The following KIF4B variants were observed in gnomAD, a reference collection of about 807,000 sequenced individuals.
KIF4B encodes kinesin family member 4B.
KIF4B carries 60 observed loss-of-function variants against 69.0 expected under a neutral mutation model. The ratio of observed to expected loss-of-function variants is 0.87; its 90% CI spans 0.71 to 1.08. The LOEUF (loss-of-function observed/expected upper bound fraction) is 1.08, where lower values mean the gene tolerates loss of function less well. Ranked by LOEUF, KIF4B falls within the 50% of genes least tolerant of loss-of-function variation. The pLI, the probability that KIF4B is intolerant of heterozygous loss-of-function variation, is 0.00. For missense variants in KIF4B, 1,357 were observed against 1,451.9 expected (o/e 0.93, Z 1.06); for synonymous variants, 489 against 533.0 (o/e 0.92, Z 1.14).
Position 155,016,185 on chromosome 5 carries a change from C to A in KIF4B, c.2326C>A (p.Gln776Lys), listed in dbSNP as rs762006437. The A allele has an allele frequency of 1.2e-5, 20 of 1,614,184 alleles. No homozygotes were observed. Among genetic ancestry groups the A allele is most frequent in the Non-Finnish European group, 1.6e-5 (19 of 1,180,026 alleles). ...CCTTGAAGACAGAAAGATCCTGGCT[C>A]AGGATGTGGTTCAACTCAAAGAAAA... ...DLLEDRKILA[Q>K]DVVQLKEKKE... is the part of the protein sequence containing the mutation. Residue 776 changes from glutamine to lysine, a missense_variant, in exon 1 of 1, where the codon CAG becomes AAG. Gln to Lys is a moderately conservative substitution (Grantham distance 53). Transcript: ENST00000435029.
Position 155,016,966 on chromosome 5 carries a change from A to C in KIF4B, c.3107A>C (p.Glu1036Ala). Residue 1036 changes from glutamate (E) to alanine (A), a missense_variant, in exon 1 of 1, where the codon GAG (glutamate) becomes GCG (alanine). Transcript: ENST00000435029. ...TCTCGTGTTAAAGAAAAGTTTCTGG[A>C]GCAAAGCATGGACATCGAGGATCTA... ...KPSRVKEKFL[E>A]QSMDIEDLKY... 1 of 1,614,230 alleles carries C rather than the reference A, an allele frequency of 6.2e-7. No homozygotes were observed. The highest frequency in any genetic ancestry group is 8.5e-7 in the Non-Finnish European group (1 of 1,180,046).
In KIF4B at chr5:155,014,096, A is replaced by T. The variant is rs747584092; in HGVS notation, c.237A>T (p.Gly79=). 1 of 1,614,106 alleles carries T rather than the reference A, an allele frequency of 6.2e-7. No individual in the cohort carries two copies. Among genetic ancestry groups the T allele is most frequent in the African/African-American group, 1.3e-5 (1 of 74,926 alleles). ...CGCTCATAAAAGGCATATTTAAAGG[A>T]TATAATGCAACGGTCCTGGCCTATG... ...VAPLIKGIFK[G]YNATVLAYGQ... Residue 79 remains glycine (G), a synonymous_variant, in exon 1 of 1, where the codon GGA becomes GGT. Coordinates refer to ENST00000435029, the MANE Select transcript of KIF4B (RefSeq NM_001099293.3).
Position 155,017,542 on chromosome 5 carries a change from C to T in KIF4B, c.3683C>T (p.Pro1228Leu), listed in dbSNP as rs1561757797. Residue 1228 changes from proline (P) to leucine (L), a missense_variant, in exon 1 of 1, where the codon CCT (proline) becomes CTT (leucine). Physicochemically the swap from Pro to Leu is moderately conservative, Grantham distance 98. Transcript: ENST00000435029. ...ACCAGCTTCTTCTCTGGCTGCTCCC[C>T]TATCGAAGAAGAGGCCCACTGAAGT... ...SNTSFFSGCS[P>L]IEEEAH 2 of 1,613,100 alleles carry T rather than the reference C, an allele frequency of 1.2e-6. No individual in the cohort carries two copies. Among genetic ancestry groups the T allele is most frequent in the South Asian group, 2.2e-5 (2 of 90,986 alleles).
rs1765329102 is a variant in KIF4B at position 155,016,189 on chromosome 5, A to G, written c.2330A>G (p.Asp777Gly). Residue 777 changes from aspartate (D) to glycine (G), a missense_variant, in exon 1 of 1, where the codon GAT (aspartate) becomes GGT (glycine). Physicochemically the swap from Asp to Gly is moderately conservative, Grantham distance 94. Coordinates refer to ENST00000435029, the MANE Select transcript of KIF4B (RefSeq NM_001099293.3). Reference protein sequence around the residue: ...LLEDRKILAQDVVQLKEKKES... With the variant: ...LLEDRKILAQGVVQLKEKKES... ...GAAGACAGAAAGATCCTGGCTCAGGATGTGGTTCAACTCAAAGAAAAAAAG... is the reference window on the plus strand; with the variant it reads ...GAAGACAGAAAGATCCTGGCTCAGGGTGTGGTTCAACTCAAAGAAAAAAAG... The G allele has an allele frequency of 1.2e-6, 2 of 1,614,064 alleles. No individual in the cohort carries two copies. Among genetic ancestry groups the G allele is most frequent in the African/African-American group, 1.3e-5 (1 of 74,920 alleles).
Position 155,014,750 on chromosome 5 carries a change from G to T in KIF4B, c.891G>T (p.Leu297=), listed in dbSNP as rs1765294030. 1.2e-6 allele frequency: 2 copies of T among 1,613,982 alleles called. No homozygotes were observed. Among genetic ancestry groups the T allele is most frequent in the South Asian group, 2.2e-5 (2 of 91,082 alleles). ...PYRDSKLTRL[L]QDSLGGNSHT... ...GAGATTCCAAGTTAACTCGACTGCT[G>T]CAAGATTCTCTAGGAGGTAACAGCC... Residue 297 remains leucine (L), a synonymous_variant, in exon 1 of 1, where the codon CTG becomes CTT. Coordinates refer to ENST00000435029, the MANE Select transcript of KIF4B (RefSeq NM_001099293.3).
At position 155,014,100 on chromosome 5, in the gene KIF4B, A is replaced by G. The variant is rs56366205; in HGVS notation, c.241A>G (p.Asn81Asp). 4 of 1,614,260 alleles carry G rather than the reference A, an allele frequency of 2.5e-6. No homozygotes were observed. The highest frequency in any genetic ancestry group is 3.4e-6 in the Non-Finnish European group (4 of 1,180,048). Residue 81 changes from asparagine to aspartate, a missense_variant, in exon 1 of 1, where the codon AAT becomes GAT. Asn to Asp is a conservative substitution (Grantham distance 23). Transcript: ENST00000435029. ...PLIKGIFKGYNATVLAYGQTG... is the reference protein window; with the variant it reads ...PLIKGIFKGYDATVLAYGQTG... ...CATAAAAGGCATATTTAAAGGATAT[A>G]ATGCAACGGTCCTGGCCTATGGGCA...
In KIF4B at chr5:155,017,710, C is replaced by T; in HGVS notation, c.*146C>T. The T allele has an allele frequency of 1.4e-6, 2 of 1,392,014 alleles. No individual in the cohort carries two copies. Among genetic ancestry groups the T allele is most frequent in the East Asian group, 2.5e-5 (1 of 39,900 alleles). The allele number at this position is 1,392,014 out of a possible 1,614,324, so 86.2% of individuals were successfully genotyped here. On this transcript the variant is annotated 3_prime_UTR_variant, in exon 1 of 1. Coordinates refer to ENST00000435029, the MANE Select transcript of KIF4B (RefSeq NM_001099293.3). ...CAAAGCATTACTAAAAAGAAGGTAACCTTTGTTGGATGTTGTCCCTCAGTC... is the reference window on the plus strand; with the variant it reads ...CAAAGCATTACTAAAAAGAAGGTAATCTTTGTTGGATGTTGTCCCTCAGTC...
chr5:155,014,754 G>A lies in KIF4B; in HGVS notation c.895G>A (p.Asp299Asn), dbSNP rs1443675806. 1 of 1,614,130 alleles carries A rather than the reference G, an allele frequency of 6.2e-7. No individual in the cohort carries two copies. Among genetic ancestry groups the A allele is most frequent in the African/African-American group, 1.3e-5 (1 of 75,022 alleles). Residue 299 changes from aspartate to asparagine, a missense_variant, in exon 1 of 1, where the codon GAT becomes AAT. Transcript: ENST00000435029. ...RDSKLTRLLQDSLGGNSHTLM... is the reference protein window; with the variant it reads ...RDSKLTRLLQNSLGGNSHTLM... ...TTCCAAGTTAACTCGACTGCTGCAA[G>A]ATTCTCTAGGAGGTAACAGCCACAC...
Position 155,017,474 on chromosome 5 carries a change from T to C in KIF4B, c.3615T>C (p.Asn1205=). ...ATGGAGCAACAGAATACCAACAAAATAAGCCTCCAGGGAAGAAAAAGAAAC... is the reference window on the plus strand; with the variant it reads ...ATGGAGCAACAGAATACCAACAAAACAAGCCTCCAGGGAAGAAAAAGAAAC... The part of the protein sequence containing the change: ...SKHGATEYQQ[N]KPPGKKKKRA... The change falls in exon 1 of 1, where the codon AAT becomes AAC. Residue 1205 remains asparagine, a synonymous_variant. Coordinates refer to ENST00000435029, the MANE Select transcript of KIF4B (RefSeq NM_001099293.3). 1.2e-6 allele frequency: 2 copies of C among 1,613,940 alleles called. No individual in the cohort carries two copies. The highest frequency in any genetic ancestry group is 1.7e-6 in the Non-Finnish European group (2 of 1,179,988).
At position 155,016,768 on chromosome 5, in the gene KIF4B, T is replaced by C. The variant is rs774110771; in HGVS notation, c.2909T>C (p.Leu970Pro). ...VSTLQCQDEE[L>P]EKMREVCEQN... ...ACACTGCAGTGTCAGGATGAAGAAC[T>C]TGAGAAGATGCGAGAAGTGTGTGAG... The change falls in exon 1 of 1, where the codon CTT becomes CCT. Residue 970 changes from leucine (L) to proline (P), a missense_variant. Physicochemically the swap from Leu to Pro is moderately conservative, Grantham distance 98 (BLOSUM62 -3). Transcript: ENST00000435029. 6 of 1,614,110 alleles carry C rather than the reference T, an allele frequency of 3.7e-6. No homozygotes were observed. The highest frequency in any genetic ancestry group is 4.2e-6 in the Non-Finnish European group (5 of 1,180,022).
chr5:155,016,748 G>C lies in KIF4B; in HGVS notation c.2889G>C (p.Leu963=). The C allele has an allele frequency of 6.2e-7, 1 of 1,614,166 alleles. No individual in the cohort carries two copies. The highest frequency in any genetic ancestry group is 8.5e-7 in the Non-Finnish European group (1 of 1,180,042). The change falls in exon 1 of 1, where the codon CTG becomes CTC. Residue 963 remains leucine (L), a synonymous_variant. Transcript: ENST00000435029. ...SEKEQQLVST[L]QCQDEELEKM... is the part of the protein sequence containing the mutation. ...AGGAACAACAGCTGGTGAGCACACT[G>C]CAGTGTCAGGATGAAGAACTTGAGA... is the stretch of plus-strand genomic sequence containing the variant.
rs1765334434 is a variant in KIF4B, at chr5:155,016,479, C to A, written c.2620C>A (p.Leu874Met). ...KCALKYLIGE[L>M]VSSKIHVTKL... ...TGCCCTGAAATATTTGATTGGAGAG[C>A]TGGTCTCCTCCAAAATACATGTCAC... Residue 874 changes from leucine (L) to methionine (M), a missense_variant, in exon 1 of 1, where the codon CTG becomes ATG. Coordinates refer to ENST00000435029, the MANE Select transcript of KIF4B (RefSeq NM_001099293.3). The A allele has an allele frequency of 1.2e-6, 2 of 1,614,068 alleles. No individual in the cohort carries two copies. The highest frequency in any genetic ancestry group is 1.7e-6 in the Non-Finnish European group (2 of 1,180,042).
At position 155,014,828 on chromosome 5, in the gene KIF4B, A is replaced by G; in HGVS notation, c.969A>G (p.Thr323=). 1 of 1,614,210 alleles carries G rather than the reference A, an allele frequency of 6.2e-7. No individual in the cohort carries two copies. The highest frequency in any genetic ancestry group is 8.5e-7 in the Non-Finnish European group (1 of 1,180,046). The change falls in exon 1 of 1, where the codon ACA becomes ACG. Residue 323 remains threonine (T), a synonymous_variant. Coordinates refer to ENST00000435029, the MANE Select transcript of KIF4B (RefSeq NM_001099293.3). ...CTGCTGACTCCAATCTAGAGGAAAC[A>G]TTAAGTACCCTTCGCTATGCTGACA... ...VSPADSNLEE[T]LSTLRYADRA... is the part of the protein sequence containing the mutation.
In KIF4B at chr5:155,017,518, C is replaced by A; in HGVS notation, c.3659C>A (p.Thr1220Asn). 1 of 1,613,864 alleles carries A rather than the reference C, an allele frequency of 6.2e-7. No homozygotes were observed. The highest frequency in any genetic ancestry group is 8.5e-7 in the Non-Finnish European group (1 of 1,179,998). ...KKKKRALASNTSFFSGCSPIE... is the reference protein window; with the variant it reads ...KKKKRALASNNSFFSGCSPIE... ...AAGAAACGAGCTCTGGCTAGCAACA[C>A]CAGCTTCTTCTCTGGCTGCTCCCCT... The change falls in exon 1 of 1, where the codon ACC becomes AAC. Residue 1220 changes from threonine (T) to asparagine (N), a missense_variant. Coordinates refer to ENST00000435029, the MANE Select transcript of KIF4B (RefSeq NM_001099293.3).
At position 155,014,844 on chromosome 5, in the gene KIF4B, T is replaced by C. The variant is rs767819645; in HGVS notation, c.985T>C (p.Tyr329His). 1.9e-6 allele frequency: 3 copies of C among 1,614,054 alleles called. No homozygotes were observed. Among genetic ancestry groups the C allele is most frequent in the East Asian group, 2.2e-5 (1 of 44,892 alleles). The part of the protein sequence containing the change: ...NLEETLSTLR[Y>H]ADRARKIKNK... ...AGAGGAAACATTAAGTACCCTTCGCTATGCTGACAGAGCAAGAAAAATCAA... is the reference window on the plus strand; with the variant it reads ...AGAGGAAACATTAAGTACCCTTCGCCATGCTGACAGAGCAAGAAAAATCAA... The change falls in exon 1 of 1, where the codon TAT becomes CAT. Residue 329 changes from tyrosine (Y) to histidine (H), a missense_variant. Tyr to His is a moderately conservative substitution (Grantham distance 83). Transcript: ENST00000435029.
chr5:155,016,876 T>C lies in KIF4B; in HGVS notation c.3017T>C (p.Leu1006Pro). Residue 1006 changes from leucine to proline, a missense_variant, in exon 1 of 1, where the codon CTT becomes CCT. By Grantham distance (98) the Leu-to-Pro change is moderately conservative. Coordinates refer to ENST00000435029, the MANE Select transcript of KIF4B (RefSeq NM_001099293.3). The part of the protein sequence containing the change: ...LLQVASRQKH[L>P]PNDTLLSPDS... ...CAGGTAGCCAGCAGACAGAAACATC[T>C]TCCTAATGATACCCTTCTATCTCCA... The C allele has an allele frequency of 6.2e-7, 1 of 1,614,198 alleles. No homozygotes were observed. Among genetic ancestry groups the C allele is most frequent in the Non-Finnish European group, 8.5e-7 (1 of 1,180,046 alleles).
rs756711898 is a variant in KIF4B, at chr5:155,016,137, G to A, written c.2278G>A (p.Ala760Thr). The change falls in exon 1 of 1, where the codon GCC becomes ACC. Residue 760 changes from alanine (A) to threonine (T), a missense_variant. Physicochemically the swap from Ala to Thr is moderately conservative, Grantham distance 58. Transcript: ENST00000435029. ...EIEVMVSTEE[A>T]KRHLNDLLED... is the part of the protein sequence containing the mutation. ...TGAGGTTATGGTCAGTACTGAGGAA[G>A]CCAAACGCCATCTGAATGACCTCCT... 1 of 1,614,198 alleles carries A rather than the reference G, an allele frequency of 6.2e-7. No individual in the cohort carries two copies. The highest frequency in any genetic ancestry group is 8.5e-7 in the Non-Finnish European group (1 of 1,180,044).
rs778653406 is a variant in KIF4B, at chr5:155,015,751, G to A, written c.1892G>A (p.Arg631His). The A allele has an allele frequency of 3.2e-5, 52 of 1,614,040 alleles. No individual in the cohort carries two copies. Among genetic ancestry groups the A allele is most frequent in the African/African-American group, 2.3e-4 (17 of 74,892 alleles). The stretch of plus-strand genomic sequence containing the variant: ...CTGAAACTAAAGGAATCCACAGAGC[G>A]TACTGTCTCCAAGCTGAACCAAGAG... ...KLLKLKESTE[R>H]TVSKLNQEIW... is the part of the protein sequence containing the mutation. The change falls in exon 1 of 1, where the codon CGT (arginine) becomes CAT (histidine). Residue 631 changes from arginine to histidine, a missense_variant. Physicochemically the swap from Arg to His is conservative, Grantham distance 29. Coordinates refer to ENST00000435029, the MANE Select transcript of KIF4B (RefSeq NM_001099293.3).
rs770204112 is a variant in KIF4B, at chr5:155,017,024, T to G, written c.3165T>G (p.His1055Gln). 1.9e-5 allele frequency: 30 copies of G among 1,614,062 alleles called. No individual in the cohort carries two copies. In the Admixed American group the frequency reaches 4.8e-4, roughly 26 times the overall value. ...KYCSEHSVNE[H>Q]EDGDGDGDSD... ...GTTCAGAGCATTCTGTGAATGAGCA[T>G]GAAGATGGTGATGGTGATGGCGACA... is the stretch of plus-strand genomic sequence containing the variant. The change falls in exon 1 of 1, where the codon CAT becomes CAG. Residue 1055 changes from histidine to glutamine, a missense_variant. By Grantham distance (24) the His-to-Gln change is conservative (BLOSUM62 0). Transcript: ENST00000435029.
Sources: allele counts gnomAD v4.1 joint callset, GRCh38; gene constraint gnomAD v4.1.1; transcripts MANE v1.5; gene names NCBI Gene and HGNC (gene_info 2026-07-23, HGNC 2026-07-21).